Variants in TCF12 observed in about 807,000 individuals in gnomAD.
TCF12 encodes the protein DNA-binding protein HTF4.
A neutral mutation model predicts 86.0 loss-of-function variants in TCF12; 45 were observed. That is an observed-to-expected ratio of 0.52 (90% confidence interval 0.41 to 0.67). The LOEUF (loss-of-function observed/expected upper bound fraction) is 0.67, where lower values mean the gene tolerates loss of function less well. TCF12 is among the 30% of genes least tolerant of loss of function. The pLI is 0.00. For synonymous variants in TCF12, 330 were observed against 299.6 expected (o/e 1.10, Z -1.05); for missense variants, 881 against 859.9 (o/e 1.02, Z -0.31).
intron 4 of TCF12, among the ~76,000 whole-genome samples, chr15:57,087,153 T>C (rs906395712): frequency 1.3e-5 from 2 of 151,148 alleles, no homozygotes; most frequent in African/African-American, 2.4e-5. Flanking sequence ...CAACAAAATA[T>C]TTGATTGCCC....
intron 3 of TCF12, among the ~76,000 whole-genome samples, chr15:56,939,768 AC>A (rs1281850738): frequency 3.9e-5 from 6 of 152,132 alleles, no homozygotes; most frequent in Admixed American, 3.9e-4. Context: ...ACCGAAACTT[AC>A]GTTGATTAGC....
intron 3 of TCF12, among the ~76,000 whole-genome samples, chr15:56,932,464 A>G (rs1311231160): frequency 2.0e-5 from 3 of 152,192 alleles, no homozygotes; most frequent in Non-Finnish European, 2.9e-5. Flanking sequence ...TTATAATAAG[A>G]AGTCTTATCT....
At chr15:57,223,777 T>C (rs1241764917) in intron 8 of TCF12, among the ~76,000 whole-genome samples, 2 of 150,886 alleles carry the variant, frequency 1.3e-5, no homozygotes, top group Non-Finnish European at 3.0e-5. Context: ...GATGTGACTG[T>C]ATACAGCTGC....
intron 4 of TCF12, among the ~76,000 whole-genome samples, chr15:57,064,321 A>G (rs1180671555): frequency 1.3e-5 from 2 of 152,204 alleles, no homozygotes; most frequent in Admixed American, 1.3e-4. Flanking sequence ...GACCAAGTCA[A>G]CTTTCTACAC....
intron 3 of TCF12, among the ~76,000 whole-genome samples, chr15:56,946,798 CTTTT>C (rs71113039): frequency 3.5e-5 from 4 of 113,542 alleles, no homozygotes; most frequent in Admixed American, 9.9e-5. Flanking sequence ...TCTAAAGTAC[CTTTT>C]TTTTTTTTTT....
intron 16 of TCF12, among the ~76,000 whole-genome samples, chr15:57,260,103 A>G (rs1477713433): frequency 6.6e-6 from 1 of 152,218 alleles, no homozygotes; most frequent in Non-Finnish European, 1.5e-5. Flanking sequence ...TTTCTTTTGT[A>G]AGCTAATTAT....
At chr15:56,953,852 A>G (rs1162739720) in intron 3 of TCF12, among the ~76,000 whole-genome samples, 1 of 148,050 alleles carries the variant, frequency 6.8e-6, no homozygotes, top group African/African-American at 2.5e-5. Flanking sequence ...GATGTTCTCA[A>G]AGAACCAGCT....
At chr15:57,011,200 G>A (rs1200721734) in intron 3 of TCF12, among the ~76,000 whole-genome samples, 2 of 152,214 alleles carry the variant, frequency 1.3e-5, no homozygotes, top group Non-Finnish European at 2.9e-5. Context: ...GATTCCCAGT[G>A]TTGGAGGTGG....
At chr15:56,968,296 C>G (rs912563521) in intron 3 of TCF12, among the ~76,000 whole-genome samples, 1 of 151,656 alleles carries the variant, frequency 6.6e-6, no homozygotes, top group Admixed American at 6.6e-5. Flanking sequence ...GCTTGTGTTT[C>G]ATAAGAAAAA....
At position 57,192,045 on chromosome 15, in the gene TCF12, C is replaced by T. The variant is rs575548549; in HGVS notation, c.391-113C>T. 481 of 1,172,064 alleles carry T rather than the reference C, an allele frequency of 4.1e-4. 2 individuals carry two copies. The African/African-American group carries it at 6.5e-3, about 16-fold the overall frequency. The allele number at this position is 1,172,064 out of a possible 1,614,324, so 72.6% of individuals were successfully genotyped here. On this transcript the variant is annotated intron_variant, in intron 6 of 20. Transcript: ENST00000333725. ...GAATTCAAAACGTACTTAATGGGTGCGTTCTAAGTTAAGACATTGCTGAAG... is the reference window on the plus strand; with the variant it reads ...GAATTCAAAACGTACTTAATGGGTGTGTTCTAAGTTAAGACATTGCTGAAG...
At chr15:57,238,125 C>A (rs1380052842) in intron 12 of TCF12, among the ~76,000 whole-genome samples, 1 of 152,064 alleles carries the variant, frequency 6.6e-6, no homozygotes, top group Non-Finnish European at 1.5e-5. Context: ...AATGGAGAAG[C>A]TGCTTTTGGA....
chr15:57,287,781 C>A lies in TCF12; in HGVS notation c.*1636C>A. ...TCAGGATGATTCCTAACAAGTCAGT[C>A]ATTTGTGAACTTAGTGGACTTTTTG... On this transcript the variant is annotated 3_prime_UTR_variant, in exon 21 of 21. Coordinates refer to ENST00000333725, the MANE Select transcript of TCF12 (RefSeq NM_207037.2). The A allele has an allele frequency of 6.6e-6, 1 of 152,626 alleles. No individual in the cohort carries two copies. Among genetic ancestry groups the A allele is most frequent in the East Asian group, 1.9e-4 (1 of 5,204 alleles). The allele number at this position is 152,626 out of a possible 1,614,324, so 9.5% of individuals were successfully genotyped here.
intron 12 of TCF12, among the ~76,000 whole-genome samples, chr15:57,235,819 A>G (rs1308924350): frequency 6.6e-6 from 1 of 152,168 alleles, no homozygotes; most frequent in Non-Finnish European, 1.5e-5. Context: ...TTTATTAAAG[A>G]AAACTTCTAT....
intron 3 of TCF12, among the ~76,000 whole-genome samples, chr15:56,949,742 T>G (rs213169): frequency 0.94 from 143,620 of 152,252 alleles, 68,051 homozygotes; most frequent in Non-Finnish European, 0.99. Flanking sequence ...CTAATTTGTT[T>G]GGGAAGGCAG....
intron 3 of TCF12, among the ~76,000 whole-genome samples, chr15:56,933,888 T>G (rs1216476728): frequency 6.6e-6 from 1 of 151,748 alleles, no homozygotes; most frequent in East Asian, 1.9e-4. Context: ...TAATATGTAA[T>G]TTACATATTA....
intron 5 of TCF12, among the ~76,000 whole-genome samples, chr15:57,142,913 A>C (rs769397293): frequency 1.8e-4 from 28 of 152,246 alleles, no homozygotes; most frequent in Non-Finnish European, 4.0e-4. Context: ...ATGAAAGTCA[A>C]GAAAGTTGAC....
intron 6 of TCF12, among the ~76,000 whole-genome samples, chr15:57,179,404 C>G (rs1277352356): frequency 6.6e-6 from 1 of 152,190 alleles, no homozygotes; most frequent in Non-Finnish European, 1.5e-5. Flanking sequence ...AGGAGAATTG[C>G]TTGAACCCAG....
rs1279242646 is a variant in TCF12 at position 57,282,549 on chromosome 15, G to C, written c.2083G>C (p.Gly695Arg). Residue 695 changes from glycine to arginine, a missense_variant, in exon 20 of 21, where the codon GGG becomes CGG. By Grantham distance (125) the Gly-to-Arg change is moderately radical. Transcript: ENST00000333725. ...PPTTLPGTHPGLSETTNPMGH... is the reference protein window; with the variant it reads ...PPTTLPGTHPRLSETTNPMGH... ...AACCACACTGCCAGGAACCCATCCT[G>C]GGCTTAGTGAAACTACCAACCCTAT... The C allele has an allele frequency of 6.2e-7, 1 of 1,614,098 alleles. No individual in the cohort carries two copies. The highest frequency in any genetic ancestry group is 1.3e-5 in the African/African-American group (1 of 74,932).
chr15:56,994,010 C>G (rs963311914), intron 3 of TCF12, among the ~76,000 whole-genome samples: 2 of 151,952 alleles, frequency 1.3e-5, no homozygotes, highest in African/African-American at 4.8e-5. Flanking sequence ...TGTGAACACT[C>G]TTGAAATGTA....
Sources: gnomAD v4.1 joint callset for allele counts (sites outside exome capture counted in the v4.1 genomes callset) on GRCh38, gnomAD v4.1.1 for gene constraint, MANE v1.5 for transcripts, NCBI Gene and HGNC (gene_info 2026-07-23, HGNC 2026-07-21) for gene names.